Variants in CLXN observed in about 807,000 individuals in gnomAD.
CLXN encodes the protein calaxin.
chr8:48,716,608 G>A, the CLXN span: 1 of 152,204 alleles, frequency 6.6e-6, no homozygotes, highest in East Asian at 1.9e-4. Context: ...TCAACAAGGA[G>A]ATAAAAGTCA....
chr8:48,722,215 C>T, the CLXN span, among the ~76,000 whole-genome samples: 52 of 152,104 alleles, frequency 3.4e-4, no homozygotes, highest in Non-Finnish European at 5.7e-4. Context: ...CAGGTAAATG[C>T]AGATCAAAAC....
chr8:48,727,612 A>G, the CLXN span, among the ~76,000 whole-genome samples: 1 of 152,126 alleles, frequency 6.6e-6, no homozygotes, highest in African/African-American at 2.4e-5. Context: ...CTCCAGCAGC[A>G]AGAGAGAAGG....
At chr8:48,733,483 T>G in the CLXN span, among the ~76,000 whole-genome samples, 2 of 152,212 alleles carry the variant, frequency 1.3e-5, no homozygotes, top group Non-Finnish European at 2.9e-5. Flanking sequence ...TCTTAAGATC[T>G]TTCACTCTTC....
At chr8:48,732,371 C>A in the CLXN span, among the ~76,000 whole-genome samples, 1 of 152,248 alleles carries the variant, frequency 6.6e-6, no homozygotes, top group East Asian at 1.9e-4. Flanking sequence ...TAACAGAAGA[C>A]AGCATCTAGG....
the CLXN span, among the ~76,000 whole-genome samples, chr8:48,725,156 C>G: frequency 6.6e-6 from 1 of 152,004 alleles, no homozygotes; most frequent in Non-Finnish European, 1.5e-5. Flanking sequence ...AAGGCACAGC[C>G]GGGCCTTGGT....
At chr8:48,734,251 T>C in the CLXN span, among the ~76,000 whole-genome samples, 26 of 152,214 alleles carry the variant, frequency 1.7e-4, no homozygotes, top group Admixed American at 7.2e-4. Flanking sequence ...AAGTGGCCAG[T>C]AGTTTTGCAA....
At chr8:48,717,367 G>A in the CLXN span, among the ~76,000 whole-genome samples, 14 of 152,184 alleles carry the variant, frequency 9.2e-5, no homozygotes, top group South Asian at 2.7e-3. Flanking sequence ...CCAGGGAAGA[G>A]TGAGATAACA....
chr8:48,732,545 T>A, the CLXN span, among the ~76,000 whole-genome samples: 3 of 152,284 alleles, frequency 2.0e-5, no homozygotes, highest in African/African-American at 7.2e-5. Flanking sequence ...AAACAGCTGT[T>A]AGTCACTGTG....
chr8:48,723,742 C>T, the CLXN span: 1 of 152,234 alleles, frequency 6.6e-6, no homozygotes, highest in Non-Finnish European at 1.5e-5. Flanking sequence ...CAGCAGGGCA[C>T]AGTTAGGTCG....
At chr8:48,724,936 C>T in the CLXN span, 16 of 603,870 alleles carry the variant, frequency 2.6e-5, no homozygotes, top group African/African-American at 1.3e-4. Context: ...GGTGTTCAAG[C>T]GTTTCACTCA....
the CLXN span, among the ~76,000 whole-genome samples, chr8:48,732,656 C>A: frequency 2.6e-4 from 40 of 152,182 alleles, no homozygotes; most frequent in Admixed American, 2.0e-4. Context: ...AAAGCAGGAA[C>A]CTGTACAACA....
At chr8:48,733,897 A>G in the CLXN span, among the ~76,000 whole-genome samples, 4 of 152,350 alleles carry the variant, frequency 2.6e-5, no homozygotes, top group African/African-American at 9.6e-5. Context: ...ATATTTATCA[A>G]AAATGTTTAC....
At chr8:48,718,559 C>T in the CLXN span, among the ~76,000 whole-genome samples, 2 of 151,968 alleles carry the variant, frequency 1.3e-5, no homozygotes, top group South Asian at 4.2e-4. Context: ...TGTTAGGTAA[C>T]AAAACAAATC....
chr8:48,732,185 A>G, the CLXN span, among the ~76,000 whole-genome samples: 1 of 152,126 alleles, frequency 6.6e-6, no homozygotes, highest in African/African-American at 2.4e-5. Context: ...ATACCGAGTT[A>G]ATTATTTGTG....
the CLXN span, chr8:48,731,390 G>A: frequency 6.2e-7 from 1 of 1,612,800 alleles, no homozygotes. Flanking sequence ...AATGTCACAT[G>A]CAGGATGTTT....
At chr8:48,735,140 C>G in the CLXN span, 1 of 1,614,156 alleles carries the variant, frequency 6.2e-7, no homozygotes, top group Non-Finnish European at 8.5e-7. Flanking sequence ...TCTGCAGTTT[C>G]TTGCGGTTCA....
the CLXN span, among the ~76,000 whole-genome samples, chr8:48,733,765 T>C: frequency 1.3e-5 from 2 of 152,192 alleles, no homozygotes; most frequent in African/African-American, 2.4e-5. Context: ...CACCTTTTGA[T>C]TGTTCACAGA....
the CLXN span, chr8:48,711,454 C>T: frequency 6.6e-6 from 1 of 152,254 alleles, no homozygotes; most frequent in Non-Finnish European, 1.5e-5. Flanking sequence ...ATGTTCTCCA[C>T]CACATCTGAA....
chr8:48,735,230 G>A, the CLXN span: 23 of 1,541,082 alleles, frequency 1.5e-5, no homozygotes, highest in Non-Finnish European at 2.1e-5. Flanking sequence ...ACCCCCGCGA[G>A]CCCTGGTGCT....
Sources: gnomAD v4.1 joint callset for allele counts (sites outside exome capture counted in the v4.1 genomes callset) on GRCh38, gnomAD v4.1.1 for gene constraint, MANE v1.5 for transcripts, NCBI Gene and HGNC (gene_info 2026-07-23, HGNC 2026-07-21) for gene names.